Variants in CALD1 observed in about 807,000 individuals in gnomAD.
CALD1 encodes caldesmon 1.
CALD1 carries 33 observed loss-of-function variants against 99.9 expected under a neutral mutation model. The observed-to-expected ratio is 0.33, with a 90% confidence interval of 0.25 to 0.44. The LOEUF is 0.44. Ranked by LOEUF, CALD1 falls within the 20% of genes least tolerant of loss-of-function variation. CALD1 has a pLI of 1.00. For synonymous variants in CALD1, 310 were observed against 325.0 expected (o/e 0.95, Z 0.50); for missense variants, 861 against 962.1 (o/e 0.89, Z 1.39).
chr7:134,726,682 G>A, the CALD1 span, among the ~76,000 whole-genome samples: 2 of 151,878 alleles, frequency 1.3e-5, no homozygotes, highest in Admixed American at 6.6e-5. Flanking sequence ...ATTAGTCAGG[G>A]CTTTATAATT....
Position 134,755,458 on chromosome 7 carries a change from T to G in CALD1, c.-130+11095T>G, listed in dbSNP as rs149016456. On this transcript the variant is annotated intron_variant, in intron 1 of 13. Transcript: ENST00000417172. ...TGAACATTTTTGTGTATGCCTACTA[T>G]TATTTGGTTTTACTCCTCTATGAAT... 7.2e-4 allele frequency among the ~76,000 whole-genome samples: 110 copies of G among 152,370 alleles called. 1 individual carries two copies. In the East Asian group the frequency reaches 9.1e-3, roughly 13 times the overall value.
At chr7:134,795,129 TTTTC>T (rs1446821394) in intron 1 of CALD1, among the ~76,000 whole-genome samples, 3 of 152,216 alleles carry the variant, frequency 2.0e-5, no homozygotes, top group African/African-American at 7.2e-5. Context: ...TTGACCACAA[TTTTC>T]TTTCTCTTTT....
At chr7:134,800,771 A>G (rs1428730731) in intron 1 of CALD1, among the ~76,000 whole-genome samples, 2 of 152,010 alleles carry the variant, frequency 1.3e-5, no homozygotes, top group African/African-American at 2.4e-5. Flanking sequence ...TTTAAACAAT[A>G]TATTAGTCAC....
At chr7:134,764,279 T>C (rs1287860280) in intron 1 of CALD1, among the ~76,000 whole-genome samples, 1 of 152,168 alleles carries the variant, frequency 6.6e-6, no homozygotes, top group Non-Finnish European at 1.5e-5. Flanking sequence ...TGGTTCTGGG[T>C]TTGTGTACAA....
chr7:134,795,480 C>G (rs1164685073), intron 1 of CALD1, among the ~76,000 whole-genome samples: 1 of 152,184 alleles, frequency 6.6e-6, no homozygotes, highest in Non-Finnish European at 1.5e-5. Flanking sequence ...TTATAAATTA[C>G]CCAGTCTTGG....
intron 1 of CALD1, among the ~76,000 whole-genome samples, chr7:134,815,868 C>T (rs1798541429): frequency 6.6e-6 from 1 of 152,090 alleles, no homozygotes; most frequent in Admixed American, 6.6e-5. Context: ...CTTTGAAAAA[C>T]AAAGCCTATT....
At chr7:134,750,849 T>C (rs991241173) in intron 1 of CALD1, among the ~76,000 whole-genome samples, 2 of 152,230 alleles carry the variant, frequency 1.3e-5, no homozygotes, top group Non-Finnish European at 2.9e-5. Context: ...CTTACATTTT[T>C]CTCTGACTCA....
At position 134,947,517 on chromosome 7, in the gene CALD1, A is replaced by AGGG; in HGVS notation, c.1543_1545dup (p.Gly515dup). ...TGCCCCCCAACCACAGCCGCCCTGGAGGGAGGGCCAGCGTGGACACCAAGG... is the reference window on the plus strand; with the variant it reads ...TGCCCCCCAACCACAGCCGCCCTGGAGGGGGGAGGGCCAGCGTGGACACCAAGG... On this transcript the variant is annotated inframe_insertion, in exon 8 of 15. Transcript: ENST00000361675. 1 of 1,568,406 alleles carries AGGG rather than the reference A, an allele frequency of 6.4e-7. No homozygotes were observed. Among genetic ancestry groups the AGGG allele is most frequent in the Non-Finnish European group, 8.6e-7 (1 of 1,156,366 alleles).
At chr7:134,960,836 A>C in intron 13 of CALD1, 1 of 487,150 alleles carries the variant, frequency 2.1e-6, no homozygotes. Context: ...GAACCAAATA[A>C]TCACCTCTAC....
At chr7:134,755,856 A>G (rs1452042440) in intron 1 of CALD1, among the ~76,000 whole-genome samples, 1 of 152,052 alleles carries the variant, frequency 6.6e-6, no homozygotes, top group Non-Finnish European at 1.5e-5. Flanking sequence ...ATTTTCCTGT[A>G]TTTCCTCTGA....
chr7:134,849,026 GCTTT>G (rs1799967359), intron 2 of CALD1, among the ~76,000 whole-genome samples: 1 of 152,012 alleles, frequency 6.6e-6, no homozygotes, highest in Non-Finnish European at 1.5e-5. Flanking sequence ...CATAAAATGG[GCTTT>G]TTTTTAATTA....
intron 3 of CALD1, among the ~76,000 whole-genome samples, chr7:134,889,892 C>T (rs944081438): frequency 2.0e-5 from 3 of 151,896 alleles, no homozygotes; most frequent in African/African-American, 7.3e-5. Flanking sequence ...TAAACTATGA[C>T]TTCATTTTTT....
At chr7:134,871,896 A>G (rs1801099623) in intron 3 of CALD1, among the ~76,000 whole-genome samples, 2 of 152,226 alleles carry the variant, frequency 1.3e-5, no homozygotes, top group Admixed American at 1.3e-4. Context: ...AGACCTTTTC[A>G]AAGACTATTT....
the CALD1 span, among the ~76,000 whole-genome samples, chr7:134,729,289 T>C: frequency 6.6e-6 from 1 of 152,200 alleles, no homozygotes; most frequent in African/African-American, 2.4e-5. Flanking sequence ...GTATTATTAC[T>C]CCATTTCTAC....
intron 3 of CALD1, among the ~76,000 whole-genome samples, chr7:134,915,809 G>C (rs1185277640): frequency 6.6e-6 from 1 of 152,308 alleles, no homozygotes; most frequent in Non-Finnish European, 1.5e-5. Flanking sequence ...ACTTGGTTTG[G>C]TTTGGTCAGG....
the CALD1 span, among the ~76,000 whole-genome samples, chr7:134,726,606 G>T: frequency 6.6e-6 from 1 of 150,606 alleles, no homozygotes; most frequent in Non-Finnish European, 1.5e-5. Context: ...ACAAAAAGGA[G>T]AACATTGGCA....
At chr7:134,763,023 A>G (rs1194266558) in intron 1 of CALD1, among the ~76,000 whole-genome samples, 2 of 152,180 alleles carry the variant, frequency 1.3e-5, no homozygotes, top group African/African-American at 4.8e-5. Context: ...TAGATCTAGG[A>G]CCATATCTCT....
chr7:134,722,555 A>G, the CALD1 span, among the ~76,000 whole-genome samples: 2 of 151,812 alleles, frequency 1.3e-5, no homozygotes, highest in Non-Finnish European at 2.9e-5. Context: ...CCGAGTAGCT[A>G]GGATTACAGG....
At chr7:134,765,576 G>C (rs905787770) in intron 1 of CALD1, among the ~76,000 whole-genome samples, 1 of 152,294 alleles carries the variant, frequency 6.6e-6, no homozygotes, top group South Asian at 2.1e-4. Context: ...AGAAGGGCAG[G>C]TACAGTGTCT....
Sources: allele counts gnomAD v4.1 joint callset (sites outside exome capture counted in the v4.1 genomes callset), GRCh38; gene constraint gnomAD v4.1.1; transcripts MANE v1.5; gene names NCBI Gene and HGNC (gene_info 2026-07-23, HGNC 2026-07-21).